PTPRS: variants seen among roughly 807,000 people sequenced by gnomAD.
PTPRS encodes protein tyrosine phosphatase receptor type S.
A neutral mutation model predicts 215.3 loss-of-function variants in PTPRS; 63 were observed. The ratio of observed to expected loss-of-function variants is 0.29; its 90% confidence interval spans 0.24 to 0.36. The LOEUF is 0.36. Ranked by LOEUF, PTPRS falls within the 10% of genes least tolerant of loss-of-function variation. The probability of loss-of-function intolerance (pLI) is 1.00; values close to 1 mark genes in which losing one functional copy is unlikely to be tolerated. For missense variants in PTPRS, 2,258 were observed against 2,825.8 expected (o/e 0.80, Z 4.56); for synonymous variants, 1,404 against 1,191.4 (o/e 1.18, Z -3.68).
chr19:5,271,678 G>A (rs890894728), intron 4 of PTPRS, among the ~76,000 whole-genome samples: 11 of 151,850 alleles, frequency 7.2e-5, no homozygotes, highest in South Asian at 2.1e-4. Flanking sequence ...GATTACCGGC[G>A]TGAGCTACCG....
chr19:5,257,554 G>C lies in PTPRS; in HGVS notation c.706+463C>G, dbSNP rs1295556580. 3 of 437,112 alleles carry C rather than the reference G, an allele frequency of 6.9e-6. No individual in the cohort carries two copies. The highest frequency in any genetic ancestry group is 1.4e-5 in the Non-Finnish European group (3 of 216,558). The allele number at this position is 437,112 out of a possible 1,614,324, so 27.1% of individuals were successfully genotyped here. ...TGAGGGCCCTGGATTAGGGGGGGCA[G>C]TGAAGCGGGGAGCTACGAGGCCACA... On this transcript the variant is annotated intron_variant, in intron 8 of 37. Transcript: ENST00000262963. This position sits in a 1 kb window ranked among gnomAD's most constrained non-coding sequence, Gnocchi z 4.4.
chr19:5,284,944 T>C (rs968627801), intron 2 of PTPRS, among the ~76,000 whole-genome samples: 1 of 151,616 alleles, frequency 6.6e-6, no homozygotes, highest in Non-Finnish European at 1.5e-5. Flanking sequence ...TGAGACCCCA[T>C]CTCAAAAGGA....
intron 2 of PTPRS, among the ~76,000 whole-genome samples, chr19:5,281,454 C>G (rs1042573493): frequency 6.6e-6 from 1 of 152,126 alleles, no homozygotes; most frequent in African/African-American, 2.4e-5. Context: ...GGGCAAGACT[C>G]TGTCTCAAAA....
intron 8 of PTPRS, among the ~76,000 whole-genome samples, chr19:5,256,560 C>T (rs55851236): frequency 0.22 from 33,710 of 152,026 alleles, 4,867 homozygotes; most frequent in Non-Finnish European, 0.33. Flanking sequence ...GCCCCACACC[C>T]GCTGTCCACA....
chr19:5,241,988 A>G (rs1336664993), intron 11 of PTPRS, among the ~76,000 whole-genome samples: 1 of 152,178 alleles, frequency 6.6e-6, no homozygotes, highest in Non-Finnish European at 1.5e-5. Context: ...GACACACGCT[A>G]TCATGCCCGG....
intron 17 of PTPRS, among the ~76,000 whole-genome samples, chr19:5,224,844 G>A (rs978686061): frequency 2.0e-5 from 3 of 152,138 alleles, no homozygotes; most frequent in Admixed American, 2.0e-4. Flanking sequence ...ACAAGGGCAG[G>A]GGCTGTGTCC....
intron 6 of PTPRS, 44 bp downstream of exon 6, chr19:5,262,920 G>T: frequency 6.4e-7 from 1 of 1,553,390 alleles, no homozygotes. Context: ...GGCACAAAGG[G>T]GATGGGGCGT....
chr19:5,261,743 G>A (rs1209486146), intron 6 of PTPRS, among the ~76,000 whole-genome samples: 2 of 152,128 alleles, frequency 1.3e-5, no homozygotes, highest in Non-Finnish European at 2.9e-5. Context: ...GGCAGGGGTG[G>A]GCACTGAGCC....
intron 1 of PTPRS, among the ~76,000 whole-genome samples, chr19:5,324,038 T>C (rs973354494): frequency 6.6e-6 from 1 of 151,886 alleles, no homozygotes; most frequent in African/African-American, 2.4e-5. Context: ...AAAACCAGCC[T>C]GGCCAACATG....
rs775641545 is a variant in PTPRS at position 5,214,658 on chromosome 19, C to G, written c.4397G>C (p.Gly1466Ala). Reference protein sequence around the residue: ...RCQNAYIATQGPLPETFGDFW... With the variant: ...RCQNAYIATQAPLPETFGDFW... ...GTCCCCAAAGGTCTCAGGCAGCGGC[C>G]CCTGCGTGGCAATGTACGCGTTCTG... The change falls in exon 29 of 38, where the codon GGG becomes GCG. Residue 1466 changes from glycine to alanine, a missense_variant. By Grantham distance (60) the Gly-to-Ala change is moderately conservative. This residue lies in a region of PTPRS where 927 missense variants were observed against 1,125.9 expected (regional missense o/e 0.82). Transcript: ENST00000262963. 1 of 1,613,158 alleles carries G rather than the reference C, an allele frequency of 6.2e-7. No individual in the cohort carries two copies. The highest frequency in any genetic ancestry group is 2.2e-5 in the East Asian group (1 of 44,874).
At position 5,238,681 on chromosome 19, in the gene PTPRS, C is replaced by T. The variant is rs557761838; in HGVS notation, c.1849+238G>A. On this transcript the variant is annotated intron_variant, in intron 13 of 37. Transcript: ENST00000262963. ...TTCTCCTTGACCCCAAGTCTCAACC[C>T]GGGTCACCAGGCCCAGGGGCACAGA... Among the ~76,000 whole-genome samples the T allele has an allele frequency of 2.4e-4, 37 of 152,352 alleles. 1 individual carries two copies. Among genetic ancestry groups the T allele is most frequent in the Non-Finnish European group, 3.7e-4 (25 of 68,030 alleles).
Position 5,212,479 on chromosome 19 carries a change from C to T in PTPRS, c.4627G>A (p.Glu1543Lys). 1 of 1,590,598 alleles carries T rather than the reference C, an allele frequency of 6.3e-7. No homozygotes were observed. The highest frequency in any genetic ancestry group is 8.6e-7 in the Non-Finnish European group (1 of 1,168,254). Residue 1543 changes from glutamate to lysine, a missense_variant, in exon 31 of 38, where the codon GAG becomes AAG. Glu to Lys is a moderately conservative substitution (Grantham distance 56). Transcript: ENST00000262963. ...TFSLHKNGSS[E>K]KREVRQFQFT... ...TGGAACTGGCGGACCTCGCGTTTCT[C>T]ACTGGAGCCATTCTGGGGACCACAA...
chr19:5,326,928 T>C (rs1161520055), intron 1 of PTPRS, among the ~76,000 whole-genome samples: 4 of 152,032 alleles, frequency 2.6e-5, no homozygotes, highest in Non-Finnish European at 5.9e-5. Flanking sequence ...ACACCAGATA[T>C]AGAGTCCAAA....
Position 5,205,614 on chromosome 19 carries a change from A to C in PTPRS, c.*1160T>G, listed in dbSNP as rs1330804996. Reference sequence around the variant, plus strand: ...TAAACAGTGTTGAAAGTAACCGCAGACCTGCCCTTGTACAAAGAGGAACAA... The same window carrying C: ...TAAACAGTGTTGAAAGTAACCGCAGCCCTGCCCTTGTACAAAGAGGAACAA... On this transcript the variant is annotated 3_prime_UTR_variant, in exon 38 of 38. Coordinates refer to ENST00000262963, the MANE Select transcript of PTPRS (RefSeq NM_002850.4). 6.6e-6 allele frequency among the ~76,000 whole-genome samples: 1 copy of C among 152,218 alleles called. No homozygotes were observed. Among genetic ancestry groups the C allele is most frequent in the Non-Finnish European group, 1.5e-5 (1 of 68,050 alleles).
intron 1 of PTPRS, among the ~76,000 whole-genome samples, chr19:5,290,431 G>C (rs1410180350): frequency 6.6e-6 from 1 of 152,208 alleles, no homozygotes; most frequent in South Asian, 2.1e-4. Flanking sequence ...GGTGCTAATG[G>C]GGGGCGAGTG....
chr19:5,301,630 T>G (rs1331073353), intron 1 of PTPRS, among the ~76,000 whole-genome samples: 1 of 152,008 alleles, frequency 6.6e-6, no homozygotes, highest in Non-Finnish European at 1.5e-5. Context: ...ATGCATTTAA[T>G]GGATCTGGCC....
intron 1 of PTPRS, chr19:5,292,877 C>G (rs1311120672): frequency 1.3e-5 from 2 of 151,742 alleles, no homozygotes; most frequent in East Asian, 3.9e-4. Flanking sequence ...GGAGGTCGGG[C>G]TGGGGGCCAG....
At chr19:5,285,138 T>C (rs1047758272) in intron 2 of PTPRS, among the ~76,000 whole-genome samples, 3 of 152,130 alleles carry the variant, frequency 2.0e-5, no homozygotes, top group African/African-American at 7.2e-5. Flanking sequence ...ACAAGAATGC[T>C]GGATGTGGAT....
At chr19:5,234,307 G>T (rs1165255209) in intron 13 of PTPRS, among the ~76,000 whole-genome samples, 1 of 152,178 alleles carries the variant, frequency 6.6e-6, no homozygotes, top group African/African-American at 2.4e-5. Flanking sequence ...CACCTACTGT[G>T]TGCCAGATAG....
Sources: gnomAD v4.1 joint callset for allele counts (sites outside exome capture counted in the v4.1 genomes callset) on GRCh38, gnomAD v4.1.1 for gene constraint, gnomAD v4.1.1 regional missense constraint, Gnocchi (gnomAD v3.1) non-coding constraint, MANE v1.5 for transcripts, NCBI Gene and HGNC (gene_info 2026-07-23, HGNC 2026-07-21) for gene names.